The following DACH2 variants were observed in gnomAD, a reference collection of about 807,000 sequenced individuals.
DACH2 encodes dachshund homolog 2.
In DACH2, 17 loss-of-function variants were observed where a neutral mutation model predicts 35.8. The ratio of observed to expected loss-of-function variants is 0.48; its 90% CI spans 0.33 to 0.71. The LOEUF (loss-of-function observed/expected upper bound fraction) is 0.71, where lower values mean the gene tolerates loss of function less well. Ranked by LOEUF, DACH2 falls within the 30% of genes least tolerant of loss-of-function variation. DACH2 has a pLI of 0.02. For synonymous variants in DACH2, 195 were observed against 177.3 expected (o/e 1.10, Z -0.79); for missense variants, 469 against 472.7 (o/e 0.99, Z 0.07).
At chrX:86,406,994 G>C (rs1233238004) in intron 2 of DACH2, among the ~76,000 whole-genome samples, 1 of 112,161 alleles carries the variant, frequency 8.9e-6, no homozygotes, top group African/African-American at 3.2e-5. Flanking sequence ...ATTAGTGTCA[G>C]ACCAAATTAT....
chrX:86,256,762 A>G (rs942244681), intron 1 of DACH2, among the ~76,000 whole-genome samples: 1 of 111,815 alleles, frequency 8.9e-6, no homozygotes, highest in Non-Finnish European at 1.9e-5. Flanking sequence ...AATAAGATGG[A>G]AAACAGTCCT....
rs1351957621 is a variant in DACH2 at position 86,820,216 on chromosome X, G to A, written c.1750+4117G>A. On this transcript the variant is annotated intron_variant, in intron 11 of 11. Coordinates refer to ENST00000373125, the MANE Select transcript of DACH2 (RefSeq NM_053281.3). The stretch of plus-strand genomic sequence containing the variant: ...AATAAACCACAAAATGAGTAACTGT[G>A]TTTTGCCCATGGAATGTCAATTTCT... Among the ~76,000 whole-genome samples, 45 of 111,603 alleles carry A rather than the reference G, an allele frequency of 4.0e-4. No individual in the cohort carries two copies. In the Admixed American group the frequency reaches 4.1e-3, roughly 10 times the overall value.
intron 1 of DACH2, among the ~76,000 whole-genome samples, chrX:86,332,056 CCTGAACAGTATAGTGA>C (rs372843386): frequency 8.8e-4 from 98 of 111,465 alleles, no homozygotes; most frequent in African/African-American, 3.1e-3. Flanking sequence ...CTCAGATTTG[CCTGAACAGTATAGTGA>C]CTGAGGTTTC....
At chrX:86,710,083 G>C (rs1288659310) in intron 5 of DACH2, among the ~76,000 whole-genome samples, 2 of 112,056 alleles carry the variant, frequency 1.8e-5, no homozygotes, top group South Asian at 7.4e-4. Context: ...TAGTAACTTT[G>C]TTCATAATTA....
intron 1 of DACH2, among the ~76,000 whole-genome samples, chrX:86,205,467 TCCTTCCCTCCTTCCCTCCTTCCC>T (rs1569301547): frequency 1.5e-3 from 63 of 42,247 alleles, no homozygotes; most frequent in African/African-American, 0.011. Flanking sequence ...CCTCCCTCCC[TCCTTCCCTCCTTCCCTCCTTCCC>T]TCCTTCCTTC....
chrX:86,543,520 A>G (rs952339160), intron 3 of DACH2, among the ~76,000 whole-genome samples: 6 of 110,917 alleles, frequency 5.4e-5, no homozygotes, highest in African/African-American at 2.0e-4. Flanking sequence ...GGATATGGAT[A>G]GGAATGAAGA....
chrX:86,169,169 A>G (rs1018601648), intron 1 of DACH2, among the ~76,000 whole-genome samples: 2 of 111,656 alleles, frequency 1.8e-5, no homozygotes, highest in African/African-American at 3.3e-5. Flanking sequence ...TTTACTGGAT[A>G]TACTATTCTA....
chrX:86,306,224 G>T (rs1346911966), intron 1 of DACH2, among the ~76,000 whole-genome samples: 1 of 111,954 alleles, frequency 8.9e-6, no homozygotes, highest in African/African-American at 3.2e-5. Flanking sequence ...AATAGCTAAA[G>T]AAAATGTAGT....
intron 2 of DACH2, among the ~76,000 whole-genome samples, chrX:86,508,784 T>C (rs1173314298): frequency 2.2e-4 from 24 of 111,470 alleles, no homozygotes; most frequent in Non-Finnish European, 1.9e-5. Context: ...GCACATTTCA[T>C]TTAAATAGGG....
intron 1 of DACH2, among the ~76,000 whole-genome samples, chrX:86,202,544 G>A (rs776722634): frequency 9.0e-5 from 10 of 111,304 alleles, no homozygotes; most frequent in Non-Finnish European, 1.7e-4. Flanking sequence ...TGAGTAATTT[G>A]GTATTATTGA....
At chrX:86,745,707 A>T (rs1261161337) in intron 7 of DACH2, among the ~76,000 whole-genome samples, 2 of 110,925 alleles carry the variant, frequency 1.8e-5, no homozygotes, top group African/African-American at 3.3e-5. Context: ...ATGAACATAC[A>T]CATGCATGAT....
intron 1 of DACH2, among the ~76,000 whole-genome samples, chrX:86,210,748 C>A (rs1190595113): frequency 9.0e-6 from 1 of 111,663 alleles, no homozygotes; most frequent in African/African-American, 3.3e-5. Context: ...ACCATAAAAC[C>A]TTGTTTATGA....
At chrX:86,732,689 T>A (rs1369430909) in intron 6 of DACH2, among the ~76,000 whole-genome samples, 1 of 112,337 alleles carries the variant, frequency 8.9e-6, no homozygotes, top group Non-Finnish European at 1.9e-5. Context: ...TAAAGCATGT[T>A]AACACATTTA....
At chrX:86,694,541 T>A (rs1019716045) in intron 4 of DACH2, among the ~76,000 whole-genome samples, 1 of 112,386 alleles carries the variant, frequency 8.9e-6, no homozygotes, top group Non-Finnish European at 1.9e-5. Flanking sequence ...CTAGTGTGTA[T>A]GAATAGATTT....
intron 1 of DACH2, among the ~76,000 whole-genome samples, chrX:86,270,365 G>A (rs767233613): frequency 9.0e-6 from 1 of 111,071 alleles, no homozygotes; most frequent in Non-Finnish European, 1.9e-5. Context: ...TGCTTTTTGA[G>A]ACTATAGCAG....
At chrX:86,795,232 CT>C (rs35324617) in intron 7 of DACH2, among the ~76,000 whole-genome samples, 17,015 of 84,826 alleles carry the variant, frequency 0.2, 1,556 homozygotes, top group South Asian at 0.35. Flanking sequence ...GAAGCATGTT[CT>C]TTTTTTTTTT....
chrX:86,452,467 G>A (rs991934768), intron 2 of DACH2, among the ~76,000 whole-genome samples: 1 of 111,042 alleles, frequency 9.0e-6, no homozygotes, highest in Non-Finnish European at 1.9e-5. Context: ...GCCTTTTTTG[G>A]TTGGTAGGCT....
chrX:86,625,209 AGTGTGTGTGTGTGTGTGTGTGTGT>A (rs72281959), intron 3 of DACH2, among the ~76,000 whole-genome samples: 6 of 85,489 alleles, frequency 7.0e-5, no homozygotes, highest in African/African-American at 2.0e-4. Flanking sequence ...AAACCTTCTT[AGTGTGTGTGTGTGTGTGTGTGTGT>A]GTGTGTGTGT....
At chrX:86,661,262 CTTA>C (rs758135348) in intron 4 of DACH2, among the ~76,000 whole-genome samples, 4 of 112,150 alleles carry the variant, frequency 3.6e-5, no homozygotes, top group Admixed American at 2.8e-4. Flanking sequence ...GTCCTAATAA[CTTA>C]TTATCAAATT....
Sources: allele counts gnomAD v4.1 joint callset (sites outside exome capture counted in the v4.1 genomes callset), GRCh38; gene constraint gnomAD v4.1.1; transcripts MANE v1.5; gene names NCBI Gene and HGNC (gene_info 2026-07-23, HGNC 2026-07-21).